DIAPH2: variants seen among roughly 807,000 people sequenced by gnomAD.
The protein encoded by DIAPH2 is diaphanous related formin 2, also known as protein diaphanous homolog 2.
DIAPH2 carries 35 observed loss-of-function variants against 92.7 expected under a neutral mutation model. The ratio of observed to expected loss-of-function variants is 0.38; its 90% CI spans 0.29 to 0.50. The LOEUF is 0.50. DIAPH2 is among the 20% of genes least tolerant of loss of function. The pLI, the probability that DIAPH2 is intolerant of heterozygous loss-of-function variation, is 0.94. For missense variants in DIAPH2, 701 were observed against 819.5 expected (o/e 0.86, Z 1.77); for synonymous variants, 301 against 280.4 (o/e 1.07, Z -0.73).
chrX:97,223,518 T>G (rs2067942276), intron 22 of DIAPH2, among the ~76,000 whole-genome samples: 1 of 111,932 alleles, frequency 8.9e-6, no homozygotes, highest in African/African-American at 3.2e-5. Flanking sequence ...TCTGATATGT[T>G]TTCATTTACT....
At chrX:96,987,230 A>G (rs1185999597) in intron 17 of DIAPH2, among the ~76,000 whole-genome samples, 1 of 111,812 alleles carries the variant, frequency 8.9e-6, no homozygotes, top group African/African-American at 3.2e-5. Context: ...TATAGGTGTT[A>G]ATAAGAAATG....
intron 4 of DIAPH2, among the ~76,000 whole-genome samples, chrX:96,823,729 C>T (rs977633539): frequency 9.1e-5 from 10 of 110,156 alleles, no homozygotes; most frequent in Admixed American, 7.8e-4. Context: ...AATTAATAAG[C>T]CCTATTTTTG....
At chrX:97,345,677 T>C (rs1480098348) in intron 23 of DIAPH2, among the ~76,000 whole-genome samples, 1 of 112,229 alleles carries the variant, frequency 8.9e-6, no homozygotes, top group Admixed American at 9.5e-5. Context: ...TACTTTTGCA[T>C]CTAGAGAAAT....
At chrX:97,486,950 C>A (rs1381525568) in intron 26 of DIAPH2, among the ~76,000 whole-genome samples, 1 of 112,163 alleles carries the variant, frequency 8.9e-6, no homozygotes, top group East Asian at 2.8e-4. Context: ...CCCTGGCAAC[C>A]ACCATTCTAC....
intron 4 of DIAPH2, among the ~76,000 whole-genome samples, chrX:96,803,418 C>A (rs754959474): frequency 9.0e-6 from 1 of 111,391 alleles, no homozygotes. Flanking sequence ...GATATGTTAG[C>A]CCCTAATTTA....
At chrX:96,727,488 A>G (rs1033297286) in intron 1 of DIAPH2, among the ~76,000 whole-genome samples, 6 of 111,453 alleles carry the variant, frequency 5.4e-5, no homozygotes, top group African/African-American at 2.0e-4. Context: ...GTTCTCTTCA[A>G]CTTCCCTGAA....
intron 22 of DIAPH2, among the ~76,000 whole-genome samples, chrX:97,179,584 C>A (rs1171883740): frequency 9.0e-6 from 1 of 111,564 alleles, no homozygotes; most frequent in East Asian, 2.8e-4. Flanking sequence ...TGTATATGTA[C>A]CACATTTTCT....
intron 17 of DIAPH2, among the ~76,000 whole-genome samples, chrX:96,978,704 A>C (rs1379375207): frequency 9.0e-6 from 1 of 110,592 alleles, no homozygotes; most frequent in Non-Finnish European, 1.9e-5. Context: ...CAATATCCCC[A>C]AATTTAGCAA....
At chrX:97,524,601 C>T (rs1025109576) in intron 26 of DIAPH2, among the ~76,000 whole-genome samples, 1 of 112,197 alleles carries the variant, frequency 8.9e-6, no homozygotes, top group African/African-American at 3.2e-5. Flanking sequence ...TCTACTAGAA[C>T]ACAACCCTAG....
intron 17 of DIAPH2, among the ~76,000 whole-genome samples, chrX:97,045,009 A>G (rs1281010868): frequency 9.0e-6 from 1 of 111,646 alleles, no homozygotes; most frequent in Non-Finnish European, 1.9e-5. Flanking sequence ...CTTAAAGGAA[A>G]CTATGATATT....
intron 26 of DIAPH2, among the ~76,000 whole-genome samples, chrX:97,434,478 C>A (rs776359585): frequency 1.5e-3 from 163 of 106,992 alleles, no homozygotes; most frequent in African/African-American, 5.4e-3. Flanking sequence ...GTGCGATCTC[C>A]GCTCACTGCA....
chrX:97,426,904 C>A (rs907877289), intron 25 of DIAPH2, among the ~76,000 whole-genome samples: 1 of 111,432 alleles, frequency 9.0e-6, no homozygotes. Context: ...TGGCCAGGCG[C>A]AGTAGCTCAC....
chrX:96,863,233 C>T (rs910498837), intron 4 of DIAPH2, among the ~76,000 whole-genome samples: 41 of 95,699 alleles, frequency 4.3e-4, no homozygotes, highest in African/African-American at 1.4e-3. Context: ...TTTGTGTTCT[C>T]ATTATTCCTT....
intron 26 of DIAPH2, among the ~76,000 whole-genome samples, chrX:97,496,205 C>T (rs1037043231): frequency 1.6e-5 from 1 of 62,190 alleles, no homozygotes; most frequent in African/African-American, 6.6e-5. Context: ...GAAGGAGTTT[C>T]GCTCTCGTTG....
chrX:97,215,864 C>A (rs1414485899), intron 22 of DIAPH2, among the ~76,000 whole-genome samples: 2 of 112,261 alleles, frequency 1.8e-5, no homozygotes, highest in Non-Finnish European at 3.8e-5. Context: ...TAGTTTATAG[C>A]TGACATACTT....
chrX:97,187,280 CCTTT>C (rs2067613245), intron 22 of DIAPH2, among the ~76,000 whole-genome samples: 1 of 10,220 alleles, frequency 9.8e-5, no homozygotes, highest in Non-Finnish European at 6.2e-4. Context: ...AATTAAGTAG[CCTTT>C]TTTTTTTTTT....
chrX:97,242,947 T>C (rs1233581752), intron 22 of DIAPH2, among the ~76,000 whole-genome samples: 1 of 108,264 alleles, frequency 9.2e-6, no homozygotes, highest in African/African-American at 3.4e-5. Context: ...CCCCCACGCC[T>C]GGCTAATTTT....
rs953558615 is a variant in DIAPH2 at position 97,283,150 on chromosome X, TGTGA to T, written c.2844+35314_2844+35317del. Among the ~76,000 whole-genome samples the T allele has an allele frequency of 1.3e-4, 14 of 111,947 alleles. 1 individual carries two copies. In the South Asian group the frequency reaches 4.9e-3, roughly 39 times the overall value. On this transcript the variant is annotated intron_variant, in intron 23 of 26. Coordinates refer to ENST00000324765, the MANE Select transcript of DIAPH2 (RefSeq NM_006729.5). ...GGCCAAATCAGGGATACAACATGTA[TGTGA>T]GTATCATTCTATCATCTATCTATCT...
At chrX:97,261,804 T>C (rs902133777) in intron 23 of DIAPH2, among the ~76,000 whole-genome samples, 18 of 111,325 alleles carry the variant, frequency 1.6e-4, no homozygotes, top group African/African-American at 5.9e-4. Flanking sequence ...ACAAAGGGAT[T>C]GTATTAGGTG....
Sources: allele counts gnomAD v4.1 joint callset (sites outside exome capture counted in the v4.1 genomes callset), GRCh38; gene constraint gnomAD v4.1.1; transcripts MANE v1.5; gene names NCBI Gene and HGNC (gene_info 2026-07-23, HGNC 2026-07-21).